EGFLAM: variants seen among roughly 807,000 people sequenced by gnomAD.
The protein encoded by EGFLAM is pikachurin.
In EGFLAM, 79 loss-of-function variants were observed where a neutral mutation model predicts 113.1. The ratio of observed to expected loss-of-function variants is 0.70; its 90% confidence interval spans 0.58 to 0.84. The LOEUF is 0.84. Ranked by LOEUF, EGFLAM falls within the 40% of genes least tolerant of loss-of-function variation. EGFLAM has a pLI of 0.00. For synonymous variants in EGFLAM, 504 were observed against 487.6 expected (o/e 1.03, Z -0.44); for missense variants, 1,265 against 1,291.6 (o/e 0.98, Z 0.32).
intron 17 of EGFLAM, among the ~76,000 whole-genome samples, chr5:38,441,542 A>G (rs945084770): frequency 1.3e-5 from 2 of 152,048 alleles, no homozygotes; most frequent in South Asian, 2.1e-4. Context: ...GAAGAATTTC[A>G]CAAAGCTCAT....
chr5:38,267,705 T>C (rs1454729381), intron 1 of EGFLAM, among the ~76,000 whole-genome samples: 1 of 152,208 alleles, frequency 6.6e-6, no homozygotes, highest in Non-Finnish European at 1.5e-5. Context: ...CATCTCTTGG[T>C]GATTGTGCCA....
chr5:38,383,905 G>C (rs904465090), intron 6 of EGFLAM, among the ~76,000 whole-genome samples: 4 of 152,044 alleles, frequency 2.6e-5, no homozygotes, highest in African/African-American at 9.7e-5. Flanking sequence ...AGGCCCACGT[G>C]GTGGGAATGT....
intron 6 of EGFLAM, among the ~76,000 whole-genome samples, chr5:38,398,106 G>A (rs1229597604): frequency 1.3e-5 from 2 of 152,186 alleles, no homozygotes; most frequent in African/African-American, 4.8e-5. Context: ...GGGGCTCTGG[G>A]TGTGGATTGT....
chr5:38,426,031 A>G (rs929032272), intron 13 of EGFLAM, among the ~76,000 whole-genome samples: 3 of 151,524 alleles, frequency 2.0e-5, no homozygotes, highest in Non-Finnish European at 4.4e-5. Flanking sequence ...TGAACCCAGG[A>G]GGCGGAGGTT....
intron 6 of EGFLAM, among the ~76,000 whole-genome samples, chr5:38,379,090 C>T (rs1483170417): frequency 6.6e-6 from 1 of 152,070 alleles, no homozygotes; most frequent in East Asian, 1.9e-4. Context: ...AACAGAAGTA[C>T]AAGAACAAAA....
chr5:38,438,636 A>G (rs1460649869), intron 17 of EGFLAM, among the ~76,000 whole-genome samples, 181 bp downstream of exon 17: 1 of 152,238 alleles, frequency 6.6e-6, no homozygotes, highest in Non-Finnish European at 1.5e-5. Flanking sequence ...ATTCCTTAAT[A>G]AGAGTTAAAT....
chr5:38,402,727 A>G (rs193142367), intron 6 of EGFLAM, among the ~76,000 whole-genome samples: 56 of 152,324 alleles, frequency 3.7e-4, no homozygotes, highest in African/African-American at 1.2e-3. Flanking sequence ...TAAGCACCCA[A>G]TAGTACCTGA....
intron 1 of EGFLAM, among the ~76,000 whole-genome samples, chr5:38,295,099 A>G (rs1270681117): frequency 6.6e-6 from 1 of 152,176 alleles, no homozygotes; most frequent in East Asian, 1.9e-4. Context: ...CGTGCTGGGA[A>G]TACAGGCATG....
chr5:38,281,087 C>G (rs1411062840), intron 1 of EGFLAM, among the ~76,000 whole-genome samples: 7 of 152,134 alleles, frequency 4.6e-5, no homozygotes, highest in African/African-American at 1.7e-4. Context: ...GTTTCCAGGA[C>G]TCAATAGAAG....
chr5:38,329,020 G>T (rs1348122737), intron 1 of EGFLAM, among the ~76,000 whole-genome samples: 1 of 151,986 alleles, frequency 6.6e-6, no homozygotes, highest in Non-Finnish European at 1.5e-5. Flanking sequence ...GGGCACAGTG[G>T]CTCATGCCGT....
At position 38,418,074 on chromosome 5, in the gene EGFLAM, C is replaced by T. The variant is rs753921320; in HGVS notation, c.1503C>T (p.Tyr501=). ...GGTCATCTTTCTTAAAGGGCCAATA[C>T]AGTAAAATTACTTTCCGGACACCTC... is the stretch of plus-strand genomic sequence containing the variant. The part of the protein sequence containing the change: ...TPVTGQSQGQ[Y]SKITFRTPLY... Residue 501 remains tyrosine (Y), a synonymous_variant, in exon 12 of 22, where the codon TAC becomes TAT. Transcript: ENST00000322350. The T allele has an allele frequency of 1.2e-5, 19 of 1,613,430 alleles. No homozygotes were observed. The highest frequency in any genetic ancestry group is 1.6e-5 in the Non-Finnish European group (19 of 1,179,714).
chr5:38,406,426 A>T (rs1741286607), intron 7 of EGFLAM, among the ~76,000 whole-genome samples, 185 bp downstream of exon 7: 1 of 152,216 alleles, frequency 6.6e-6, no homozygotes. Context: ...GGGAAGTACT[A>T]GCCATCCTGA....
intron 13 of EGFLAM, 37 bp downstream of exon 13, chr5:38,425,129 C>T: frequency 1.2e-6 from 2 of 1,603,862 alleles, no homozygotes; most frequent in Non-Finnish European, 1.7e-6. Context: ...TTTCTATCTG[C>T]ATGTTAATTT....
At chr5:38,366,750 T>A (rs9885372) in intron 5 of EGFLAM, among the ~76,000 whole-genome samples, 7,038 of 152,246 alleles carry the variant, frequency 0.046, 552 homozygotes, top group African/African-American at 0.16. Flanking sequence ...TATTTTATCT[T>A]TGAGAATCTA....
intron 3 of EGFLAM, among the ~76,000 whole-genome samples, chr5:38,342,998 T>C (rs984317675): frequency 1.3e-5 from 2 of 152,106 alleles, no homozygotes; most frequent in Admixed American, 6.6e-5. Flanking sequence ...ACCCAGAACT[T>C]AGAGAGAGAA....
intron 1 of EGFLAM, among the ~76,000 whole-genome samples, chr5:38,267,637 A>T (rs1264089943): frequency 7.2e-5 from 11 of 152,194 alleles, no homozygotes; most frequent in African/African-American, 1.9e-4. Flanking sequence ...CTTAGTTAAC[A>T]CTTGAAGTAA....
chr5:38,295,420 GT>G (rs1319626182), intron 1 of EGFLAM, among the ~76,000 whole-genome samples: 1 of 152,162 alleles, frequency 6.6e-6, no homozygotes, highest in Non-Finnish European at 1.5e-5. Context: ...ATTTAAAAAA[GT>G]TTTTAAAAAT....
At chr5:38,457,991 T>C (rs940269619) in intron 19 of EGFLAM, among the ~76,000 whole-genome samples, 5 of 152,178 alleles carry the variant, frequency 3.3e-5, no homozygotes, top group African/African-American at 9.7e-5. Context: ...AATGCTTTTG[T>C]TTTGTAAGAT....
chr5:38,451,455 T>A lies in EGFLAM; in HGVS notation c.2684T>A (p.Phe895Tyr). Residue 895 changes from phenylalanine (F) to tyrosine (Y), a missense_variant, in exon 19 of 22, where the codon TTC becomes TAC. Phe to Tyr is a conservative substitution (Grantham distance 22). Coordinates refer to ENST00000322350, the MANE Select transcript of EGFLAM (RefSeq NM_152403.4). ...SLGLRDGALV[F>Y]SYNLGSGVAS... ...GGCCTTCGGGATGGAGCCCTCGTGTTCAGGTAACCCCCTCTCCATCTGCCT... is the reference window on the plus strand; with the variant it reads ...GGCCTTCGGGATGGAGCCCTCGTGTACAGGTAACCCCCTCTCCATCTGCCT... The A allele has an allele frequency of 6.2e-7, 1 of 1,614,046 alleles. No homozygotes were observed. Among genetic ancestry groups the A allele is most frequent in the Non-Finnish European group, 8.5e-7 (1 of 1,179,930 alleles).
Sources: gnomAD v4.1 joint callset for allele counts (sites outside exome capture counted in the v4.1 genomes callset) on GRCh38, gnomAD v4.1.1 for gene constraint, MANE v1.5 for transcripts, NCBI Gene and HGNC (gene_info 2026-07-23, HGNC 2026-07-21) for gene names.